The following STAG1 variants were observed in gnomAD, a reference collection of about 807,000 sequenced individuals.
The protein encoded by STAG1 is cohesin subunit SA-1.
Under a neutral mutation model 170.9 loss-of-function variants are expected in STAG1, and 26 were observed. That is an observed-to-expected ratio of 0.15 (90% CI 0.11 to 0.21). STAG1 has a LOEUF of 0.21. STAG1 is among the 10% of genes least tolerant of loss of function. The pLI, the probability that STAG1 is intolerant of heterozygous loss-of-function variation, is 1.00. For missense variants in STAG1, 964 were observed against 1,509.5 expected (o/e 0.64, Z 5.99); for synonymous variants, 514 against 497.7 (o/e 1.03, Z -0.44).
chr3:136,521,169 T>A (rs1934652458), intron 7 of STAG1, 44 bp downstream of exon 7: 6 of 1,480,698 alleles, frequency 4.1e-6, no homozygotes, highest in South Asian at 3.5e-5. Context: ...TAAAACATAG[T>A]CAACAAAACT....
intron 3 of STAG1, among the ~76,000 whole-genome samples, chr3:136,614,932 CAATT>C (rs767033097): frequency 5.3e-5 from 8 of 151,778 alleles, no homozygotes; most frequent in Non-Finnish European, 1.2e-4. Context: ...TATACATACA[CAATT>C]AAAAGATAAA....
chr3:136,630,143 C>T (rs551956685), intron 2 of STAG1, among the ~76,000 whole-genome samples: 2 of 152,102 alleles, frequency 1.3e-5, no homozygotes, highest in African/African-American at 4.8e-5. Flanking sequence ...AGCAGTGAGC[C>T]GAGATCGCAC....
At chr3:136,504,071 T>C (rs1159104688) in intron 7 of STAG1, among the ~76,000 whole-genome samples, 1 of 152,154 alleles carries the variant, frequency 6.6e-6, no homozygotes, top group African/African-American at 2.4e-5. Context: ...AACATATGTG[T>C]TTTCTAAATA....
intron 9 of STAG1, among the ~76,000 whole-genome samples, chr3:136,493,453 A>G (rs181492033): frequency 2.6e-4 from 40 of 152,096 alleles, no homozygotes; most frequent in Non-Finnish European, 4.6e-4. Flanking sequence ...CCAGGAGTTC[A>G]ACACGAGCCT....
intron 12 of STAG1, among the ~76,000 whole-genome samples, chr3:136,467,853 A>T (rs1234469081): frequency 6.6e-6 from 1 of 152,198 alleles, no homozygotes; most frequent in East Asian, 1.9e-4. Flanking sequence ...GGATTAAGAA[A>T]CTCACTCAAA....
rs536392595 is a variant in STAG1, at chr3:136,486,999, C to CA, written c.903-9588dup. ...CAATGCCGATTTTTTTTTATTTCTT[C>CA]AAAAAAAAAAAAAAAAAAAAAAAAA... On this transcript the variant is annotated intron_variant, in intron 9 of 33. Coordinates refer to ENST00000383202, the MANE Select transcript of STAG1 (RefSeq NM_005862.3). 1.9e-3 allele frequency among the ~76,000 whole-genome samples: 103 copies of CA among 54,662 alleles called. 12 individuals are homozygous for CA. The highest frequency in any genetic ancestry group is 6.7e-3 in the African/African-American group (73 of 10,888). 35.9% of individuals were successfully genotyped at this position (54,662 alleles called of 152,430 possible).
intron 1 of STAG1, among the ~76,000 whole-genome samples, chr3:136,685,950 T>C (rs1942506575): frequency 6.6e-6 from 1 of 152,178 alleles, no homozygotes; most frequent in African/African-American, 2.4e-5. Context: ...GTAGGAAAGA[T>C]AAATGTTATG....
chr3:136,425,944 C>T (rs1473075320), intron 16 of STAG1, among the ~76,000 whole-genome samples: 1 of 151,212 alleles, frequency 6.6e-6, no homozygotes, highest in Non-Finnish European at 1.5e-5. Context: ...CACTGTCATT[C>T]TTGTTTCATT....
intron 1 of STAG1, among the ~76,000 whole-genome samples, chr3:136,712,818 C>T (rs755091385): frequency 6.6e-6 from 1 of 152,190 alleles, no homozygotes; most frequent in African/African-American, 2.4e-5. Flanking sequence ...AGGCCGGGCA[C>T]GGTGGCTCAT....
chr3:136,680,220 C>T (rs1942288829), intron 1 of STAG1, among the ~76,000 whole-genome samples: 1 of 152,152 alleles, frequency 6.6e-6, no homozygotes, highest in Non-Finnish European at 1.5e-5. Context: ...AAGATCGTGC[C>T]ACTGCACTCC....
chr3:136,731,546 T>C (rs1232180528), intron 1 of STAG1, among the ~76,000 whole-genome samples: 1 of 152,196 alleles, frequency 6.6e-6, no homozygotes, highest in Non-Finnish European at 1.5e-5. Context: ...AGATCAACCC[T>C]GGATGGGAGA....
chr3:136,470,581 T>C (rs2089600713), intron 12 of STAG1, among the ~76,000 whole-genome samples: 1 of 152,180 alleles, frequency 6.6e-6, no homozygotes, highest in South Asian at 2.1e-4. Context: ...AGTGTGGCGA[T>C]TCCTCAAGGA....
At chr3:136,541,899 T>C (rs1399944234) in intron 6 of STAG1, among the ~76,000 whole-genome samples, 1 of 152,132 alleles carries the variant, frequency 6.6e-6, no homozygotes, top group Admixed American at 6.5e-5. Flanking sequence ...ATATCACTAA[T>C]TTTCTTAGCC....
At chr3:136,443,512 C>A in intron 14 of STAG1, 108 bp from the exon 15 acceptor site, 1 of 781,030 alleles carries the variant, frequency 1.3e-6, no homozygotes, top group Non-Finnish European at 2.0e-6. Flanking sequence ...GCTTGGTTTC[C>A]ATGATTCTAA....
intron 7 of STAG1, among the ~76,000 whole-genome samples, chr3:136,516,856 T>G (rs1041325423): frequency 3.9e-5 from 6 of 152,176 alleles, no homozygotes; most frequent in African/African-American, 1.2e-4. Context: ...TGTCCAAGGT[T>G]ATCCAACTAG....
At chr3:136,617,523 G>A (rs1252210218) in intron 3 of STAG1, among the ~76,000 whole-genome samples, 1 of 152,216 alleles carries the variant, frequency 6.6e-6, no homozygotes, top group East Asian at 1.9e-4. Context: ...GAAGATCAAG[G>A]AGGAACCACT....
chr3:136,546,954 T>G (rs896048303), intron 5 of STAG1, among the ~76,000 whole-genome samples: 2 of 152,218 alleles, frequency 1.3e-5, no homozygotes, highest in Non-Finnish European at 2.9e-5. Context: ...AAGTATACTT[T>G]GAAGTCTCTC....
intron 21 of STAG1, among the ~76,000 whole-genome samples, chr3:136,413,258 CG>C (rs1559785947): frequency 6.8e-6 from 1 of 147,130 alleles, no homozygotes; most frequent in African/African-American, 2.5e-5. Flanking sequence ...TAATATATAT[CG>C]TATATTACAT....
intron 3 of STAG1, among the ~76,000 whole-genome samples, chr3:136,606,963 G>A (rs1326290413): frequency 6.6e-6 from 1 of 151,902 alleles, no homozygotes; most frequent in African/African-American, 2.4e-5. Flanking sequence ...TGTTAGGCAG[G>A]ATGGTCTTGA....
Sources: allele counts gnomAD v4.1 joint callset (sites outside exome capture counted in the v4.1 genomes callset), GRCh38; gene constraint gnomAD v4.1.1; transcripts MANE v1.5; gene names NCBI Gene and HGNC (gene_info 2026-07-23, HGNC 2026-07-21).